CDKAL1: variants seen among roughly 807,000 people sequenced by gnomAD.
CDKAL1 encodes the protein threonylcarbamoyladenosine tRNA methylthiotransferase.
A neutral mutation model predicts 68.2 loss-of-function variants in CDKAL1; 32 were observed. That is an observed-to-expected ratio of 0.47 (90% CI 0.35 to 0.63). The LOEUF (loss-of-function observed/expected upper bound fraction) is 0.63. CDKAL1 is among the 30% of genes least tolerant of loss of function. The pLI is 0.00. For missense variants in CDKAL1, 606 were observed against 696.7 expected, an observed-to-expected ratio of 0.87 and a Z score of 1.47; for synonymous variants, 234 against 244.3, an observed-to-expected ratio of 0.96 and a Z score of 0.39.
chr6:20,554,649 T>G (rs1763965817), intron 4 of CDKAL1, among the ~76,000 whole-genome samples: 1 of 152,226 alleles, frequency 6.6e-6, no homozygotes, highest in Admixed American at 6.5e-5. Flanking sequence ...TTTGGTCTCT[T>G]CAGAACCTCA....
chr6:20,995,465 G>A (rs1466387318), intron 10 of CDKAL1, among the ~76,000 whole-genome samples: 1 of 152,180 alleles, frequency 6.6e-6, no homozygotes, highest in Non-Finnish European at 1.5e-5. Flanking sequence ...CTGCAGAATG[G>A]ATGTTGTGTT....
chr6:21,188,883 A>T (rs1582384634), intron 13 of CDKAL1, among the ~76,000 whole-genome samples: 1 of 152,274 alleles, frequency 6.6e-6, no homozygotes, highest in Middle Eastern at 3.4e-3. Flanking sequence ...CTCAGAATGT[A>T]CAGGCAGGTG....
intron 10 of CDKAL1, among the ~76,000 whole-genome samples, chr6:20,960,651 T>G (rs1765009012): frequency 1.3e-5 from 2 of 152,364 alleles, no homozygotes; most frequent in Non-Finnish European, 2.9e-5. Flanking sequence ...AATGATGTGA[T>G]AGCTCAAAGT....
chr6:21,107,875 A>G (rs1717266783), intron 12 of CDKAL1, among the ~76,000 whole-genome samples: 2 of 152,226 alleles, frequency 1.3e-5, no homozygotes, highest in Non-Finnish European at 2.9e-5. Context: ...TGTGTAAAAC[A>G]CCATGCAGGG....
intron 4 of CDKAL1, among the ~76,000 whole-genome samples, chr6:20,624,932 T>A (rs927304460): frequency 6.6e-6 from 1 of 152,108 alleles, no homozygotes; most frequent in African/African-American, 2.4e-5. Context: ...GCTTTTATGC[T>A]TTTTGGCACA....
chr6:20,704,086 C>T (rs192700451), intron 5 of CDKAL1, among the ~76,000 whole-genome samples: 2 of 152,250 alleles, frequency 1.3e-5, no homozygotes, highest in African/African-American at 4.8e-5. Flanking sequence ...GTTTGAGGCT[C>T]TGGGATTTCA....
intron 8 of CDKAL1, among the ~76,000 whole-genome samples, chr6:20,806,592 A>G (rs536469723): frequency 2.0e-5 from 3 of 152,256 alleles, no homozygotes; most frequent in African/African-American, 7.2e-5. Flanking sequence ...TCCCACCAGC[A>G]TGTTTAAGTG....
At chr6:20,734,038 A>G (rs1397198691) in intron 5 of CDKAL1, among the ~76,000 whole-genome samples, 1 of 151,766 alleles carries the variant, frequency 6.6e-6, no homozygotes, top group Non-Finnish European at 1.5e-5. Flanking sequence ...AGTGCCAACT[A>G]CTCAGGAGGC....
chr6:21,039,356 G>C (rs1769781452), intron 11 of CDKAL1, among the ~76,000 whole-genome samples: 1 of 152,180 alleles, frequency 6.6e-6, no homozygotes, highest in South Asian at 2.1e-4. Flanking sequence ...GTGCTAAAAA[G>C]TTTGGGGACT....
chr6:20,733,029 G>A (rs1375366462), intron 5 of CDKAL1, among the ~76,000 whole-genome samples: 4 of 152,150 alleles, frequency 2.6e-5, no homozygotes, highest in Non-Finnish European at 1.5e-5. Context: ...TGGCACTGTA[G>A]GCTGGGGAGG....
At chr6:20,906,983 T>C (rs1236199401) in intron 9 of CDKAL1, among the ~76,000 whole-genome samples, 2 of 152,238 alleles carry the variant, frequency 1.3e-5, no homozygotes, top group Non-Finnish European at 2.9e-5. Context: ...TATGAAATTA[T>C]ACATACACAT....
intron 9 of CDKAL1, among the ~76,000 whole-genome samples, chr6:20,862,716 C>T (rs1759710737): frequency 6.6e-6 from 1 of 151,992 alleles, no homozygotes; most frequent in Non-Finnish European, 1.5e-5. Flanking sequence ...CATAGCTATG[C>T]CTGGGCTTCA....
At chr6:20,808,526 A>T (rs949646688) in intron 8 of CDKAL1, among the ~76,000 whole-genome samples, 31 of 152,106 alleles carry the variant, frequency 2.0e-4, no homozygotes, top group African/African-American at 7.0e-4. Flanking sequence ...TGGCTGGAGC[A>T]TTATAGCAGT....
At chr6:20,791,321 A>C (rs1305047070) in intron 8 of CDKAL1, among the ~76,000 whole-genome samples, 2 of 152,236 alleles carry the variant, frequency 1.3e-5, no homozygotes, top group Non-Finnish European at 2.9e-5. Context: ...CTTTATTACT[A>C]TGATAGCTAT....
Position 20,575,926 on chromosome 6 carries a change from C to T in CDKAL1, c.286+27221C>T, listed in dbSNP as rs567578220. ...GTCGTGCCCCTTACCTTTAAACTCT[C>T]AAATGCTAAGAGGAGGAGGTGTGTA... On this transcript the variant is annotated intron_variant, in intron 4 of 15. Coordinates refer to ENST00000274695, the MANE Select transcript of CDKAL1 (RefSeq NM_017774.3). Among the ~76,000 whole-genome samples, 15 of 152,288 alleles carry T rather than the reference C, an allele frequency of 9.8e-5. No individual in the cohort carries two copies. The South Asian group carries it at 2.9e-3, about 29-fold the overall frequency.
chr6:20,796,484 G>A (rs1776114353), intron 8 of CDKAL1, among the ~76,000 whole-genome samples: 1 of 152,134 alleles, frequency 6.6e-6, no homozygotes, highest in Admixed American at 6.6e-5. Context: ...TGGAGAAATG[G>A]ATGCTAAATT....
At chr6:20,649,223 A>C in intron 4 of CDKAL1, 70 bp from the exon 5 acceptor site, 1 of 1,014,240 alleles carries the variant, frequency 9.9e-7, no homozygotes, top group Non-Finnish European at 1.5e-6. Flanking sequence ...CAGCAATCCC[A>C]GTGCCACTGG....
At chr6:20,692,984 G>A (rs1463371980) in intron 5 of CDKAL1, among the ~76,000 whole-genome samples, 4 of 151,802 alleles carry the variant, frequency 2.6e-5, no homozygotes, top group African/African-American at 9.7e-5. Context: ...CAAAAAATTA[G>A]CCGGGCATGG....
At chr6:21,230,544 T>G (rs1250077982) in intron 15 of CDKAL1, among the ~76,000 whole-genome samples, 3 of 152,198 alleles carry the variant, frequency 2.0e-5, no homozygotes, top group Non-Finnish European at 4.4e-5. Flanking sequence ...GTGGTATGAC[T>G]CCACTTTACA....
Sources: allele counts gnomAD v4.1 joint callset (sites outside exome capture counted in the v4.1 genomes callset), GRCh38; gene constraint gnomAD v4.1.1; transcripts MANE v1.5; gene names NCBI Gene and HGNC (gene_info 2026-07-23, HGNC 2026-07-21).